Variants in SSBP2 observed in about 807,000 individuals in gnomAD.
SSBP2 encodes single stranded DNA binding protein 2, also known as single-stranded DNA-binding protein 2.
Under a neutral mutation model 61.8 loss-of-function variants are expected in SSBP2, and 17 were observed. The ratio of observed to expected loss-of-function variants is 0.28; its 90% CI spans 0.19 to 0.41. SSBP2 has a LOEUF of 0.41. Ranked by LOEUF, SSBP2 falls within the 10% of genes least tolerant of loss-of-function variation. The pLI is 1.00. For missense variants in SSBP2, 310 were observed against 458.7 expected (o/e 0.68, Z 2.96); for synonymous variants, 139 against 141.3 (o/e 0.98, Z 0.12).
At chr5:81,548,918 T>C (rs1771960110) in intron 4 of SSBP2, among the ~76,000 whole-genome samples, 1 of 151,948 alleles carries the variant, frequency 6.6e-6, no homozygotes, top group Non-Finnish European at 1.5e-5. Context: ...CGAGACTCCA[T>C]CTCAAAAAAA....
At chr5:81,433,417 G>T (rs1001682917) in intron 15 of SSBP2, among the ~76,000 whole-genome samples, 1 of 151,860 alleles carries the variant, frequency 6.6e-6, no homozygotes, top group African/African-American at 2.4e-5. Context: ...CAGCATGCTC[G>T]TTAAGAGTCA....
intron 4 of SSBP2, among the ~76,000 whole-genome samples, chr5:81,572,473 C>A (rs1004243172): frequency 2.9e-4 from 44 of 152,232 alleles, no homozygotes; most frequent in African/African-American, 1.1e-3. Flanking sequence ...TTTAAATAGT[C>A]ATCAAGAAGG....
Position 81,417,699 on chromosome 5 carries a change from A to G in SSBP2, c.*2805T>C, listed in dbSNP as rs1761371225. On this transcript the variant is annotated 3_prime_UTR_variant, in exon 17 of 17. Transcript: ENST00000320672. ...TATACAGATATACTGTCTTCCATTC[A>G]GTGCATGAAAGAATTATCTGGATAT... 1 of 152,224 alleles carries G rather than the reference A, an allele frequency of 6.6e-6. No individual in the cohort carries two copies. The highest frequency in any genetic ancestry group is 2.4e-5 in the African/African-American group (1 of 41,478). 9.4% of individuals were successfully genotyped at this position (152,224 alleles called of 1,614,324 possible). A position where few individuals can be genotyped will look rare whatever the true frequency, so the allele number is the denominator to read the frequency against.
At chr5:81,471,162 C>A (rs981378926) in intron 8 of SSBP2, among the ~76,000 whole-genome samples, 10 of 151,798 alleles carry the variant, frequency 6.6e-5, no homozygotes, top group African/African-American at 2.2e-4. Flanking sequence ...AAGAACACTG[C>A]CAATCCAAAT....
At chr5:81,466,416 C>T (rs149740717) in intron 9 of SSBP2, among the ~76,000 whole-genome samples, 22 of 152,098 alleles carry the variant, frequency 1.4e-4, no homozygotes, top group East Asian at 5.8e-4. Flanking sequence ...ATTCATCCTA[C>T]GCTACGGAAA....
intron 1 of SSBP2, among the ~76,000 whole-genome samples, chr5:81,675,252 C>A (rs760018390): frequency 5.3e-5 from 8 of 152,178 alleles, no homozygotes; most frequent in Admixed American, 3.3e-4. Flanking sequence ...TTTAGCTAGA[C>A]ACATTGTTCC....
chr5:81,450,087 A>G (rs1228225348), intron 10 of SSBP2, among the ~76,000 whole-genome samples: 2 of 152,002 alleles, frequency 1.3e-5, no homozygotes, highest in African/African-American at 4.8e-5. Flanking sequence ...CTGGAGTGCA[A>G]TGGGACAAAC....
intron 4 of SSBP2, among the ~76,000 whole-genome samples, chr5:81,548,148 T>C (rs956316031): frequency 6.6e-6 from 1 of 152,200 alleles, no homozygotes; most frequent in Non-Finnish European, 1.5e-5. Context: ...GCTTTGATAT[T>C]GATGGCAGCT....
chr5:81,565,005 AC>A (rs1489316774), intron 4 of SSBP2, among the ~76,000 whole-genome samples: 2 of 152,240 alleles, frequency 1.3e-5, no homozygotes, highest in Non-Finnish European at 2.9e-5. Context: ...TATGATTCCC[AC>A]CCCCATGCCA....
At chr5:81,574,702 A>G (rs921474478) in intron 4 of SSBP2, among the ~76,000 whole-genome samples, 2 of 152,144 alleles carry the variant, frequency 1.3e-5, no homozygotes, top group African/African-American at 2.4e-5. Flanking sequence ...AGCCAAAAAT[A>G]AAACAAACAA....
At chr5:81,678,450 T>C (rs1280644261) in intron 1 of SSBP2, among the ~76,000 whole-genome samples, 1 of 151,704 alleles carries the variant, frequency 6.6e-6, no homozygotes, top group African/African-American at 2.4e-5. Context: ...TTAACATACA[T>C]GTAATGAAAA....
At chr5:81,601,496 T>C (rs1350948340) in intron 4 of SSBP2, among the ~76,000 whole-genome samples, 3 of 152,202 alleles carry the variant, frequency 2.0e-5, no homozygotes, top group African/African-American at 7.2e-5. Context: ...TCGAGGTCAA[T>C]ATCCTGGTAC....
chr5:81,453,159 A>C (rs1036569383), intron 10 of SSBP2, among the ~76,000 whole-genome samples: 3 of 151,986 alleles, frequency 2.0e-5, no homozygotes, highest in African/African-American at 4.8e-5. Flanking sequence ...TTAGCCAAGC[A>C]TGGTGGCATG....
chr5:81,616,860 C>A (rs1227525578), intron 3 of SSBP2, among the ~76,000 whole-genome samples: 16 of 152,100 alleles, frequency 1.1e-4, no homozygotes, highest in Non-Finnish European at 2.4e-4. Context: ...CTCACACAGC[C>A]GGGTACTCCA....
intron 1 of SSBP2, among the ~76,000 whole-genome samples, chr5:81,682,815 G>C (rs1214744762): frequency 1.3e-5 from 2 of 152,042 alleles, no homozygotes; most frequent in African/African-American, 4.8e-5. Flanking sequence ...AACAATTATA[G>C]TAAGTTTGCA....
intron 1 of SSBP2, among the ~76,000 whole-genome samples, chr5:81,743,652 A>C (rs1352006105): frequency 6.6e-6 from 1 of 152,194 alleles, no homozygotes; most frequent in East Asian, 1.9e-4. Context: ...TATCTAGCAT[A>C]ATTTGTTTAC....
chr5:81,615,657 G>A, intron 3 of SSBP2, 100 bp from the exon 4 acceptor site: 1 of 802,330 alleles, frequency 1.2e-6, no homozygotes, highest in Non-Finnish European at 2.0e-6. Context: ...TATACAAAAT[G>A]TTTTGTCTTC....
chr5:81,570,379 A>T (rs12515751), intron 4 of SSBP2, among the ~76,000 whole-genome samples: 5 of 151,972 alleles, frequency 3.3e-5, no homozygotes, highest in Non-Finnish European at 4.4e-5. Flanking sequence ...TTAATCTTTG[A>T]GGTATCTGAA....
chr5:81,728,940 T>C (rs1311826192), intron 1 of SSBP2, among the ~76,000 whole-genome samples: 1 of 152,178 alleles, frequency 6.6e-6, no homozygotes, highest in Non-Finnish European at 1.5e-5. Context: ...AAATTACTTA[T>C]TGAGTCTTAA....
Sources: allele counts gnomAD v4.1 joint callset (sites outside exome capture counted in the v4.1 genomes callset), GRCh38; gene constraint gnomAD v4.1.1; transcripts MANE v1.5; gene names NCBI Gene and HGNC (gene_info 2026-07-23, HGNC 2026-07-21).